PIN4: variants seen among roughly 807,000 people sequenced by gnomAD.
PIN4 encodes the protein peptidylprolyl cis/trans isomerase, NIMA-interacting 4, also known as peptidyl-prolyl cis-trans isomerase NIMA-interacting 4.
Under a neutral mutation model 8.3 loss-of-function variants are expected in PIN4, and 3 were observed. The observed-to-expected ratio is 0.36, with a 90% CI of 0.16 to 0.93. The LOEUF (loss-of-function observed/expected upper bound fraction) is 0.93. Among genes scored for constraint, PIN4 ranks in the 40% least tolerant of loss-of-function variants. PIN4 has a pLI of 0.44. For synonymous variants in PIN4, 18 were observed against 32.5 expected (o/e 0.55, Z 1.52); for missense variants, 75 against 100.6 (o/e 0.75, Z 1.09).
At chrX:72,218,397 C>A (rs933928881) in intron 3 of PIN4, among the ~76,000 whole-genome samples, 2 of 111,110 alleles carry the variant, frequency 1.8e-5, no homozygotes, top group East Asian at 5.6e-4. Context: ...TGTGAGGCAC[C>A]ACGGTCGGCT....
chrX:72,244,517 C>T (rs933986918), intron 3 of PIN4, among the ~76,000 whole-genome samples: 4 of 111,311 alleles, frequency 3.6e-5, no homozygotes, highest in South Asian at 3.7e-4. Context: ...TGAGTTGAAA[C>T]GGTTTTTTGG....
chrX:72,205,902 A>G (rs752367940), intron 3 of PIN4: 12 of 1,211,407 alleles, frequency 9.9e-6, no homozygotes, highest in Non-Finnish European at 1.2e-5. Flanking sequence ...CTTCCAAGAA[A>G]AGATTGAAAT....
chrX:72,202,022 G>A (rs990860058), downstream of PIN4, among the ~76,000 whole-genome samples: 2 of 112,873 alleles, frequency 1.8e-5, no homozygotes, highest in Admixed American at 1.9e-4. Flanking sequence ...AAAGGATGAC[G>A]TGAAGTTACA....
At chrX:72,218,394 C>T (rs918502085) in intron 3 of PIN4, among the ~76,000 whole-genome samples, 1 of 111,159 alleles carries the variant, frequency 9.0e-6, no homozygotes, top group Non-Finnish European at 1.9e-5. Context: ...AGATGTGAGG[C>T]ACCACGGTCG....
intron 2 of PIN4, among the ~76,000 whole-genome samples, chrX:72,196,320 G>A (rs984277932): frequency 2.7e-5 from 3 of 110,633 alleles, no homozygotes; most frequent in Non-Finnish European, 5.7e-5. Flanking sequence ...TGGATCACGA[G>A]GTCAGGAGTT....
intron 3 of PIN4, among the ~76,000 whole-genome samples, chrX:72,231,578 G>A (rs183764253): frequency 1.8e-5 from 2 of 109,328 alleles, no homozygotes; most frequent in African/African-American, 6.7e-5. Context: ...TTGAGACAGG[G>A]TCTCCCTCTG....
In PIN4 at chrX:72,252,147, T is replaced by TA. The variant is rs530501485; in HGVS notation, c.313-10552dup. ...AGCTCTTGGAGTCTTTTCTTTTTAA[T>TA]AAAAAAAATTTTTTTTTGAGAGACA... On this transcript the variant is annotated intron_variant, in intron 3 of 3. Transcript: ENST00000423432. Among the ~76,000 whole-genome samples, 747 of 110,192 alleles carry TA rather than the reference T, an allele frequency of 6.8e-3. 4 individuals are homozygous for TA. Among genetic ancestry groups the TA allele is most frequent in the Non-Finnish European group, 0.011 (585 of 52,717 alleles).
At chrX:72,254,553 T>C (rs2043101474) in intron 3 of PIN4, among the ~76,000 whole-genome samples, 3 of 112,591 alleles carry the variant, frequency 2.7e-5, no homozygotes, top group African/African-American at 9.7e-5. Flanking sequence ...TTGGAATTAA[T>C]GAATAGTTTA....
chrX:72,225,368 T>C (rs2042948221), intron 3 of PIN4, among the ~76,000 whole-genome samples: 1 of 111,890 alleles, frequency 8.9e-6, no homozygotes, highest in Admixed American at 9.5e-5. Context: ...AGTACATGGA[T>C]GATTTACTTC....
intron 3 of PIN4, among the ~76,000 whole-genome samples, chrX:72,213,760 C>T (rs765729902): frequency 2.7e-5 from 3 of 112,098 alleles, no homozygotes; most frequent in Non-Finnish European, 5.6e-5. Flanking sequence ...CCATGACCCA[C>T]GGCTTCTAAT....
At chrX:72,260,038 C>A (rs1438392071) in intron 3 of PIN4, among the ~76,000 whole-genome samples, 1 of 110,368 alleles carries the variant, frequency 9.1e-6, no homozygotes, top group Non-Finnish European at 1.9e-5. Flanking sequence ...CGCGCCTGGC[C>A]CAGAGGCCAT....
intron 3 of PIN4, among the ~76,000 whole-genome samples, chrX:72,246,855 T>C (rs1271544606): frequency 8.9e-6 from 1 of 112,251 alleles, no homozygotes; most frequent in East Asian, 2.8e-4. Context: ...GTTTATTCCA[T>C]GGAATGTAGC....
chrX:72,218,492 T>C (rs2042899980), intron 3 of PIN4, among the ~76,000 whole-genome samples: 1 of 101,797 alleles, frequency 9.8e-6, no homozygotes, highest in Non-Finnish European at 1.9e-5. Flanking sequence ...TCAATTTCTT[T>C]CTCTTTTTTT....
chrX:72,210,809 T>C (rs1427168477), intron 3 of PIN4, among the ~76,000 whole-genome samples: 1 of 111,913 alleles, frequency 8.9e-6, no homozygotes, highest in Non-Finnish European at 1.9e-5. Flanking sequence ...TCCTTGGATA[T>C]CACTGCTTTC....
intron 3 of PIN4, among the ~76,000 whole-genome samples, chrX:72,234,907 G>A (rs1462802781): frequency 1.8e-5 from 2 of 111,423 alleles, no homozygotes; most frequent in African/African-American, 3.3e-5. Flanking sequence ...TACAATGGAT[G>A]AGTGAATACA....
intron 3 of PIN4, among the ~76,000 whole-genome samples, chrX:72,236,762 A>G (rs1405219779): frequency 9.0e-6 from 1 of 111,621 alleles, no homozygotes; most frequent in East Asian, 2.8e-4. Flanking sequence ...ATTCAATATC[A>G]TTTTGCTGCA....
chrX:72,191,818 A>G (rs1437827608), intron 2 of PIN4, among the ~76,000 whole-genome samples: 2 of 111,576 alleles, frequency 1.8e-5, no homozygotes, highest in African/African-American at 6.5e-5. Flanking sequence ...CCGTGTTCTG[A>G]ATACCAAACC....
intron 1 of PIN4, chrX:72,182,030 T>G: frequency 2.3e-6 from 1 of 440,968 alleles, no homozygotes. Context: ...ATGGGGATAG[T>G]TCCTCGGAGG....
At chrX:72,194,171 G>A (rs1408976931) in intron 2 of PIN4, among the ~76,000 whole-genome samples, 2 of 110,140 alleles carry the variant, frequency 1.8e-5, no homozygotes, top group African/African-American at 3.3e-5. Context: ...AGGTCAAGGC[G>A]GGTGGATCAC....
Sources: allele counts gnomAD v4.1 joint callset (sites outside exome capture counted in the v4.1 genomes callset), GRCh38; gene constraint gnomAD v4.1.1; transcripts MANE v1.5; gene names NCBI Gene and HGNC (gene_info 2026-07-23, HGNC 2026-07-21).